Variants in ERI1 observed in about 807,000 individuals in gnomAD.
ERI1 encodes exoribonuclease 1.
In ERI1, 39 loss-of-function variants were observed where a neutral mutation model predicts 39.7. That is an observed-to-expected ratio of 0.98 (90% CI 0.76 to 1.28). The LOEUF is 1.28. ERI1 is among the 50% of genes most tolerant of loss of function. The pLI is 0.00. For synonymous variants in ERI1, 204 were observed against 149.6 expected, an observed-to-expected ratio of 1.36 and a Z score of -2.65; for missense variants, 581 against 416.9, an observed-to-expected ratio of 1.39 and a Z score of -3.43.
chr8:9,095,596 C>T (rs985044290), intron 3 of ERI1, among the ~76,000 whole-genome samples: 1 of 152,066 alleles, frequency 6.6e-6, no homozygotes, highest in African/African-American at 2.4e-5. Context: ...GCCTCAACTT[C>T]CTGGGCTCAA....
At chr8:9,042,957 C>T (rs960716979) in intron 3 of ERI1, among the ~76,000 whole-genome samples, 1 of 152,180 alleles carries the variant, frequency 6.6e-6, no homozygotes. Flanking sequence ...CCGGCACATG[C>T]TCTGCAGTCT....
intron 3 of ERI1, among the ~76,000 whole-genome samples, chr8:9,086,146 G>T (rs1799518364): frequency 6.6e-6 from 1 of 152,182 alleles, no homozygotes; most frequent in East Asian, 1.9e-4. Context: ...AGGTGTGGTG[G>T]CTCACACCTA....
chr8:9,062,920 T>G (rs906569312), intron 3 of ERI1: 1 of 151,638 alleles, frequency 6.6e-6, no homozygotes, highest in African/African-American at 2.4e-5. Context: ...GGGGAGGAGG[T>G]TCTGGAGGAA....
At chr8:9,022,085 T>A (rs185981281) in intron 6 of ERI1, among the ~76,000 whole-genome samples, 51 of 152,218 alleles carry the variant, frequency 3.4e-4, no homozygotes, top group African/African-American at 1.2e-3. Flanking sequence ...AGTTTTCCAA[T>A]GGAATTGTAC....
chr8:9,045,386 C>T (rs1432116995), intron 3 of ERI1, among the ~76,000 whole-genome samples: 1 of 152,094 alleles, frequency 6.6e-6, no homozygotes, highest in Non-Finnish European at 1.5e-5. Flanking sequence ...ACGAATTGCT[C>T]ACTCCAGCTG....
intron 2 of ERI1, 61 bp from the exon 3 acceptor site, chr8:9,011,481 G>A (rs1816660788): frequency 1.8e-6 from 2 of 1,139,420 alleles, no homozygotes; most frequent in South Asian, 1.7e-5. Flanking sequence ...CAGCAGGTGA[G>A]AGTTTTGATT....
At position 9,029,997 on chromosome 8, in the gene ERI1, G is replaced by A; in HGVS notation, c.1013G>A (p.Gly338Asp). The A allele has an allele frequency of 1.2e-6, 2 of 1,612,382 alleles. No individual in the cohort carries two copies. Among genetic ancestry groups the A allele is most frequent in the Non-Finnish European group, 1.7e-6 (2 of 1,179,580 alleles). The stretch of plus-strand genomic sequence containing the variant: ...GTGTCCTCTTCCTTACCAATAGAGG[G>A]CACTCCACCACCACAAATGCCACAT... The part of the protein sequence containing the change: ...MSVSSSLPIE[G>D]TPPPQMPHFR... The change falls in exon 7 of 7, where the codon GGC becomes GAC. Residue 338 changes from glycine (G) to aspartate (D), a missense_variant. Coordinates refer to ENST00000250263, the MANE Select transcript of ERI1 (RefSeq NM_153332.4).
intron 3 of ERI1, 68 bp downstream of exon 3, chr8:9,011,820 G>C: frequency 8.3e-7 from 1 of 1,204,830 alleles, no homozygotes; most frequent in Non-Finnish European, 1.1e-6. Context: ...TGGTTATGTG[G>C]AGGACCTCAT....
At chr8:9,046,917 G>C (rs1184894598) in intron 3 of ERI1, among the ~76,000 whole-genome samples, 1 of 152,210 alleles carries the variant, frequency 6.6e-6, no homozygotes, top group East Asian at 1.9e-4. Context: ...GCTGATTGCA[G>C]CCTGTACCTT....
At chr8:9,073,894 A>G (rs566558339) in intron 3 of ERI1, among the ~76,000 whole-genome samples, 13 of 152,154 alleles carry the variant, frequency 8.5e-5, no homozygotes, top group Non-Finnish European at 1.6e-4. Flanking sequence ...AAAATACCTT[A>G]TAAAAGACTA....
chr8:9,018,671 A>G (rs1274130160), intron 5 of ERI1, among the ~76,000 whole-genome samples: 1 of 152,154 alleles, frequency 6.6e-6, no homozygotes, highest in Non-Finnish European at 1.5e-5. Flanking sequence ...TTTTCATGAC[A>G]CTTCCTTACT....
At chr8:9,017,171 C>A (rs955819606) in intron 4 of ERI1, among the ~76,000 whole-genome samples, 1 of 152,156 alleles carries the variant, frequency 6.6e-6, no homozygotes, top group Non-Finnish European at 1.5e-5. Context: ...TCCCAAGTAG[C>A]TGAGACTATA....
chr8:9,027,149 ATG>A (rs140641752), intron 6 of ERI1, among the ~76,000 whole-genome samples: 43,726 of 141,550 alleles, frequency 0.31, 7,687 homozygotes, highest in East Asian at 0.71. Context: ...GTGTGTGTGT[ATG>A]TGTGTGTGTG....
intron 3 of ERI1, among the ~76,000 whole-genome samples, chr8:9,059,175 A>G (rs1798609272): frequency 6.6e-6 from 1 of 152,128 alleles, no homozygotes; most frequent in East Asian, 1.9e-4. Context: ...AGACAATGTC[A>G]TCAGTTTAGG....
chr8:9,073,730 T>A (rs1229724853), intron 3 of ERI1, among the ~76,000 whole-genome samples: 2 of 152,194 alleles, frequency 1.3e-5, no homozygotes, highest in Non-Finnish European at 2.9e-5. Flanking sequence ...GAAAGCCTCT[T>A]ATTTCTTAAA....
chr8:9,081,174 C>T (rs890284053), intron 3 of ERI1, among the ~76,000 whole-genome samples: 1 of 152,146 alleles, frequency 6.6e-6, no homozygotes, highest in Non-Finnish European at 1.5e-5. Context: ...ATGAGAACAG[C>T]CTGAAGGAAA....
At chr8:9,066,053 G>C (rs1798864748) in intron 3 of ERI1, among the ~76,000 whole-genome samples, 1 of 152,108 alleles carries the variant, frequency 6.6e-6, no homozygotes, top group Non-Finnish European at 1.5e-5. Context: ...TCTGCTTTGC[G>C]ATATCAACAC....
chr8:9,027,971 T>A lies in ERI1; in HGVS notation c.808-1821T>A, dbSNP rs1381992235. Among the ~76,000 whole-genome samples, 4 of 152,252 alleles carry A rather than the reference T, an allele frequency of 2.6e-5. No individual in the cohort carries two copies. The East Asian group carries it at 7.7e-4, about 29-fold the overall frequency. ...TTTTAATATGCTGCTGATTTAAATTTGCTTATATTTTGTCAAGGATTATTG... is the reference window on the plus strand; with the variant it reads ...TTTTAATATGCTGCTGATTTAAATTAGCTTATATTTTGTCAAGGATTATTG... On this transcript the variant is annotated intron_variant, in intron 6 of 6. Coordinates refer to ENST00000250263, the MANE Select transcript of ERI1 (RefSeq NM_153332.4).
At chr8:9,019,380 A>C (rs994597106) in intron 5 of ERI1, among the ~76,000 whole-genome samples, 1 of 152,214 alleles carries the variant, frequency 6.6e-6, no homozygotes, top group African/African-American at 2.4e-5. Flanking sequence ...TTAAGTTTGG[A>C]AAAATGTTTA....
Sources: allele counts gnomAD v4.1 joint callset (sites outside exome capture counted in the v4.1 genomes callset), GRCh38; gene constraint gnomAD v4.1.1; transcripts MANE v1.5; gene names NCBI Gene and HGNC (gene_info 2026-07-23, HGNC 2026-07-21).